Variants in MECR observed in about 807,000 individuals in gnomAD.
MECR encodes the protein mitochondrial trans-2-enoyl-CoA reductase.
MECR carries 37 observed loss-of-function variants against 49.1 expected under a neutral mutation model. That is an observed-to-expected ratio of 0.75 (90% CI 0.58 to 0.99). The LOEUF is 0.99. Ranked by LOEUF, MECR falls within the 50% of genes least tolerant of loss-of-function variation. The pLI is 0.00. For missense variants in MECR, 470 were observed against 479.6 expected, an observed-to-expected ratio of 0.98 and a Z score of 0.19; for synonymous variants, 198 against 191.1, an observed-to-expected ratio of 1.04 and a Z score of -0.30.
At chr1:29,172,632 A>C in the MECR span, 2 of 152,222 alleles carry the variant, frequency 1.3e-5, no homozygotes, top group Admixed American at 1.3e-4. Context: ...TGAAGTGCCC[A>C]TCACACGGGC....
At position 29,201,480 on chromosome 1, in the gene MECR, G is replaced by T. The variant is rs776808066; in HGVS notation, c.756+463C>A. ...AGCCCTTATAAACTATATGATTTTGGTTAAGCATTTCCTCTTTTCTGAGTC... is the reference window on the plus strand; with the variant it reads ...AGCCCTTATAAACTATATGATTTTGTTTAAGCATTTCCTCTTTTCTGAGTC... On this transcript the variant is annotated intron_variant, in intron 6 of 9. Transcript: ENST00000263702. This position sits in a 1 kb window ranked among gnomAD's most constrained non-coding sequence, Gnocchi z 4.3. The T allele has an allele frequency of 8.1e-6, 4 of 493,452 alleles. No individual in the cohort carries two copies. The Admixed American group carries it at 9.0e-5, about 11-fold the overall frequency. 30.6% of individuals were successfully genotyped at this position (493,452 alleles called of 1,614,324 possible). A position where few individuals can be genotyped will look rare whatever the true frequency, so the allele number is the denominator to read the frequency against.
intron 3 of MECR, among the ~76,000 whole-genome samples, chr1:29,210,897 GT>G (rs1677847318): frequency 6.6e-6 from 1 of 152,152 alleles, no homozygotes; most frequent in African/African-American, 2.4e-5. Flanking sequence ...ACTATGCCTA[GT>G]ACACAGTGGG....
chr1:29,194,155 G>T lies in MECR; in HGVS notation c.989C>A (p.Thr330Lys), dbSNP rs748563079. ...SPDQFKELIL[T>K]LCDLIRRGQL... Reference sequence around the variant, plus strand: ...GCCTCGGCGGATGAGATCGCACAGTGTGAGGATCAGCTCCTTGAACTGGTC... The same window carrying T: ...GCCTCGGCGGATGAGATCGCACAGTTTGAGGATCAGCTCCTTGAACTGGTC... Residue 330 changes from threonine to lysine, a missense_variant, in exon 10 of 10, where the codon ACA becomes AAA. By Grantham distance (78) the Thr-to-Lys change is moderately conservative (BLOSUM62 -1). Coordinates refer to ENST00000263702, the MANE Select transcript of MECR (RefSeq NM_016011.5). The T allele has an allele frequency of 5.0e-6, 8 of 1,611,906 alleles. No individual in the cohort carries two copies. The highest frequency in any genetic ancestry group is 5.9e-6 in the Non-Finnish European group (7 of 1,179,118).
At chr1:29,190,461 G>T (rs919738487), downstream of MECR, among the ~76,000 whole-genome samples, 37 of 151,690 alleles carry the variant, frequency 2.4e-4, no homozygotes, top group African/African-American at 8.7e-4. Context: ...AAGGGGAAGG[G>T]GAAGAAAAAG....
At chr1:29,197,102 G>A (rs1035571433) in intron 7 of MECR, among the ~76,000 whole-genome samples, 4 of 152,072 alleles carry the variant, frequency 2.6e-5, no homozygotes, top group African/African-American at 7.2e-5. Flanking sequence ...ACACACACCC[G>A]CTCTGGATGA....
At chr1:29,181,503 C>G in the MECR span, 1 of 663,232 alleles carries the variant, frequency 1.5e-6, no homozygotes, top group Non-Finnish European at 2.3e-6. Flanking sequence ...ACCCGCGCCC[C>G]CGAGGCGCCG....
chr1:29,217,769 CAT>C (rs1308302338), intron 1 of MECR, among the ~76,000 whole-genome samples: 2 of 152,178 alleles, frequency 1.3e-5, no homozygotes, highest in Admixed American at 6.5e-5. Flanking sequence ...TTGGTCCTAA[CAT>C]ATACAGGGGA....
chr1:29,176,162 G>A, the MECR span, among the ~76,000 whole-genome samples: 28 of 152,274 alleles, frequency 1.8e-4, no homozygotes, highest in South Asian at 5.6e-3. Flanking sequence ...TGAGGCAGGA[G>A]AATTGCTTGA....
rs200619935 is a variant in MECR at position 29,203,201 on chromosome 1, C to T, written c.583G>A (p.Gly195Arg). Residue 195 changes from glycine to arginine, a missense_variant, in exon 5 of 10, where the codon GGA (glycine) becomes AGA (arginine). Transcript: ENST00000263702. Reference protein sequence around the residue: ...DSVIQNASNSGVGQAVIQIAA... With the variant: ...DSVIQNASNSRVGQAVIQIAA... ...ATCTGGATGACTGCTTGCCCCACTCCGCTGTTGGATGCATTCTGGATGACA... is the reference window on the plus strand; with the variant it reads ...ATCTGGATGACTGCTTGCCCCACTCTGCTGTTGGATGCATTCTGGATGACA... The T allele has an allele frequency of 1.4e-4, 225 of 1,583,400 alleles. No homozygotes were observed. The highest frequency in any genetic ancestry group is 2.1e-4 in the Admixed American group (12 of 57,336).
chr1:29,206,671 C>T lies in MECR; in HGVS notation c.550+91G>A, dbSNP rs1049739373. ...GTCCATCACCCCCTCAAAACCTCCA[C>T]CTTGCAAGTTCTCCTGGCCTTGGGG... On this transcript the variant is annotated intron_variant, in intron 4 of 9. Transcript: ENST00000263702. The T allele has an allele frequency of 1.3e-5, 20 of 1,483,008 alleles. No homozygotes were observed. In the South Asian group the frequency reaches 1.8e-4, roughly 13 times the overall value. 91.9% of individuals were successfully genotyped at this position (1,483,008 alleles called of 1,614,324 possible).
In MECR at chr1:29,193,348, C is replaced by T. The variant is rs1450991995; in HGVS notation, c.*674G>A. The T allele has an allele frequency of 4.8e-5, 9 of 186,480 alleles. No homozygotes were observed. The highest frequency in any genetic ancestry group is 2.1e-4 in the Admixed American group (5 of 23,654). 11.6% of individuals were successfully genotyped at this position (186,480 alleles called of 1,614,324 possible). Reference sequence around the variant, plus strand: ...TGCCAGTAGCAACCTCCTTCATAAGCTGTGATAGCCAGAAATATCCCCAGA... The same window carrying T: ...TGCCAGTAGCAACCTCCTTCATAAGTTGTGATAGCCAGAAATATCCCCAGA... On this transcript the variant is annotated 3_prime_UTR_variant, in exon 10 of 10. Coordinates refer to ENST00000263702, the MANE Select transcript of MECR (RefSeq NM_016011.5).
intron 3 of MECR, among the ~76,000 whole-genome samples, chr1:29,214,487 G>A (rs111525783): frequency 0.12 from 17,412 of 151,266 alleles, 1,363 homozygotes; most frequent in East Asian, 0.41. Context: ...TTAGTCTCCC[G>A]GGTAGCTGTG....
the MECR span, among the ~76,000 whole-genome samples, chr1:29,183,918 C>T: frequency 9.9e-4 from 139 of 140,152 alleles, 1 homozygote; most frequent in Middle Eastern, 0.022. Flanking sequence ...CTCGCACTGT[C>T]GCCCAGGCTG....
the MECR span, among the ~76,000 whole-genome samples, chr1:29,174,998 A>T: frequency 4.6e-5 from 7 of 150,980 alleles, no homozygotes; most frequent in African/African-American, 1.7e-4. Context: ...AAAAAAAAAA[A>T]AAAGAAAAGA....
chr1:29,220,765 T>C (rs1680582345), intron 1 of MECR: 2 of 346,428 alleles, frequency 5.8e-6, no homozygotes, highest in African/African-American at 4.5e-5. Flanking sequence ...CTCCGTAAAA[T>C]GGGATAACAC....
At chr1:29,200,493 AC>A (rs1158999715) in intron 7 of MECR, 22 bp downstream of exon 7, 3 of 1,606,966 alleles carry the variant, frequency 1.9e-6, no homozygotes, top group Non-Finnish European at 8.5e-7. Flanking sequence ...GGCGAGCTGG[AC>A]CTGCAGGCCC....
Position 29,194,252 on chromosome 1 carries a change from C to T in MECR, c.965-73G>A, listed in dbSNP as rs2151839292. On this transcript the variant is annotated intron_variant, in intron 9 of 9. Coordinates refer to ENST00000263702, the MANE Select transcript of MECR (RefSeq NM_016011.5). ...TGGTGAGATGTGGCACGGGGCTGCC[C>T]TATGGGCAGGAGCTGGCACCAAGCT... The T allele has an allele frequency of 4.7e-6, 7 of 1,485,962 alleles. No individual in the cohort carries two copies. In the East Asian group the frequency reaches 1.4e-4, roughly 29 times the overall value. 92.0% of individuals were successfully genotyped at this position (1,485,962 alleles called of 1,614,324 possible).
chr1:29,184,941 A>G, the MECR span, among the ~76,000 whole-genome samples: 1 of 152,128 alleles, frequency 6.6e-6, no homozygotes. Flanking sequence ...TCTGGCCAAC[A>G]TAGTGAAACC....
In MECR at chr1:29,195,993, A is replaced by G; in HGVS notation, c.912T>C (p.Asp304=). ...VASVSLLIFK[D]LKLRGFWLSQ... ...ACAACCAAAAGCCTCGAAGTTTGAG[A>G]TCCTTAAAAATGAGCAGGCTCTGCA... The change falls in exon 9 of 10, where the codon GAT becomes GAC. Residue 304 remains aspartate (D), a synonymous_variant. Coordinates refer to ENST00000263702, the MANE Select transcript of MECR (RefSeq NM_016011.5). 6.2e-7 allele frequency: 1 copy of G among 1,614,208 alleles called. No homozygotes were observed. Among genetic ancestry groups the G allele is most frequent in the Non-Finnish European group, 8.5e-7 (1 of 1,180,036 alleles).
Sources: gnomAD v4.1 joint callset for allele counts (sites outside exome capture counted in the v4.1 genomes callset) on GRCh38, gnomAD v4.1.1 for gene constraint, Gnocchi (gnomAD v3.1) non-coding constraint, MANE v1.5 for transcripts, NCBI Gene and HGNC (gene_info 2026-07-23, HGNC 2026-07-21) for gene names.